Variants in NOL4 observed in about 807,000 individuals in gnomAD.
The protein encoded by NOL4 is nucleolar protein 4, also known as cancer/testis antigen 125.
Under a neutral mutation model 75.9 loss-of-function variants are expected in NOL4, and 17 were observed. The observed-to-expected ratio is 0.22, with a 90% CI of 0.15 to 0.34. The LOEUF (loss-of-function observed/expected upper bound fraction) is 0.34, where lower values mean the gene tolerates loss of function less well. NOL4 is among the 10% of genes least tolerant of loss of function. The pLI, the probability that NOL4 is intolerant of heterozygous loss-of-function variation, is 1.00. For synonymous variants in NOL4, 292 were observed against 289.9 expected, an observed-to-expected ratio of 1.01 and a Z score of -0.07; for missense variants, 614 against 793.5, an observed-to-expected ratio of 0.77 and a Z score of 2.72.
intron 6 of NOL4, among the ~76,000 whole-genome samples, chr18:33,961,778 T>C (rs1005672876): frequency 1.3e-5 from 2 of 151,962 alleles, no homozygotes; most frequent in African/African-American, 4.8e-5. Flanking sequence ...GATTTCAGCA[T>C]TGGAGGATCA....
At position 34,223,309 on chromosome 18, in the gene NOL4, C is replaced by T; in HGVS notation, c.-56G>A. 6.4e-7 allele frequency: 1 copy of T among 1,574,162 alleles called. No individual in the cohort carries two copies. Among genetic ancestry groups the T allele is most frequent in the Non-Finnish European group, 8.6e-7 (1 of 1,162,384 alleles). ...TCCCAGCGCACTTCGCACCTGTTCA[C>T]CCTAGGCTCATGAAAAATGCAGCCC... On this transcript the variant is annotated 5_prime_UTR_variant, in exon 1 of 11. In the 5' UTR this introduces an upstream ATG that the reference lacks. Coordinates refer to ENST00000261592, the MANE Select transcript of NOL4 (RefSeq NM_003787.5).
chr18:34,119,828 T>A (rs1466136617), intron 2 of NOL4, among the ~76,000 whole-genome samples: 1 of 152,052 alleles, frequency 6.6e-6, no homozygotes, highest in East Asian at 1.9e-4. Context: ...TTCACAGTGT[T>A]AGCCAGGATG....
chr18:33,863,869 C>T (rs1386916126), intron 10 of NOL4, among the ~76,000 whole-genome samples: 1 of 152,162 alleles, frequency 6.6e-6, no homozygotes, highest in Non-Finnish European at 1.5e-5. Context: ...CAGACTTCTG[C>T]CTGGATATCC....
At chr18:33,950,277 G>T (rs11081833) in intron 8 of NOL4, among the ~76,000 whole-genome samples, 52,984 of 150,720 alleles carry the variant, frequency 0.35, 9,708 homozygotes, top group Non-Finnish European at 0.41. Flanking sequence ...TTATATAACT[G>T]TTTTCTTTTG....
chr18:34,176,383 A>G (rs2146300018), intron 1 of NOL4, among the ~76,000 whole-genome samples: 1 of 152,138 alleles, frequency 6.6e-6, no homozygotes, highest in East Asian at 1.9e-4. Flanking sequence ...GAGGAGAAAG[A>G]ATATGTGAAA....
chr18:33,974,219 T>A (rs545430296), intron 6 of NOL4, among the ~76,000 whole-genome samples: 1 of 152,200 alleles, frequency 6.6e-6, no homozygotes, highest in Non-Finnish European at 1.5e-5. Context: ...TGAACCAACC[T>A]CTACTAGCTT....
chr18:34,203,810 G>A (rs776207449), intron 1 of NOL4, among the ~76,000 whole-genome samples: 3 of 149,934 alleles, frequency 2.0e-5, no homozygotes, highest in Non-Finnish European at 3.0e-5. Context: ...CCCAGCAAGT[G>A]GCCTTGAGAA....
intron 6 of NOL4, among the ~76,000 whole-genome samples, chr18:34,011,084 T>A (rs974960246): frequency 6.6e-6 from 1 of 151,638 alleles, no homozygotes; most frequent in African/African-American, 2.4e-5. Context: ...ACTAAAATAG[T>A]GAAATTGGAA....
At chr18:34,194,449 A>AGGC (rs2035165781) in intron 1 of NOL4, among the ~76,000 whole-genome samples, 1 of 146,500 alleles carries the variant, frequency 6.8e-6, no homozygotes, top group Non-Finnish European at 1.5e-5. Flanking sequence ...GGAAGGAAGG[A>AGGC]AGGAAGGAAG....
chr18:34,064,007 T>C (rs371217908), intron 5 of NOL4, among the ~76,000 whole-genome samples: 107 of 152,176 alleles, frequency 7.0e-4, no homozygotes, highest in African/African-American at 2.4e-3. Flanking sequence ...TGCCACACAC[T>C]GACTGGTATA....
intron 2 of NOL4, among the ~76,000 whole-genome samples, chr18:34,110,271 T>C (rs1195055238): frequency 2.0e-5 from 3 of 148,424 alleles, no homozygotes; most frequent in African/African-American, 7.4e-5. Context: ...CTGATGAACA[T>C]AGATGAAAAA....
chr18:33,885,897 A>G (rs1424639223), intron 9 of NOL4, among the ~76,000 whole-genome samples: 1 of 152,186 alleles, frequency 6.6e-6, no homozygotes, highest in Non-Finnish European at 1.5e-5. Context: ...ACTGTTTACA[A>G]TAGCTAAGAT....
At chr18:33,957,581 C>A (rs2145730877) in intron 7 of NOL4, 64 bp from the exon 8 acceptor site, 2 of 1,283,832 alleles carry the variant, frequency 1.6e-6, no homozygotes, top group East Asian at 4.8e-5. Context: ...TTCCTAGCTT[C>A]CTGTCTTGAT....
chr18:34,037,314 G>T (rs1047947527), intron 5 of NOL4, among the ~76,000 whole-genome samples: 1 of 151,994 alleles, frequency 6.6e-6, no homozygotes, highest in Admixed American at 6.6e-5. Context: ...TGAAAAGGAA[G>T]AATTAATGTT....
intron 6 of NOL4, among the ~76,000 whole-genome samples, chr18:34,002,507 A>G (rs574347537): frequency 6.6e-6 from 1 of 152,170 alleles, no homozygotes; most frequent in Non-Finnish European, 1.5e-5. Context: ...CACTTTGACC[A>G]TACCATGTCT....
chr18:33,944,045 T>C (rs1568104218), intron 8 of NOL4, among the ~76,000 whole-genome samples: 1 of 151,842 alleles, frequency 6.6e-6, no homozygotes, highest in Admixed American at 6.6e-5. Context: ...TTTTTTTAAA[T>C]TAAGATAAGC....
At chr18:34,010,717 T>C (rs1301594553) in intron 6 of NOL4, among the ~76,000 whole-genome samples, 4 of 151,874 alleles carry the variant, frequency 2.6e-5, no homozygotes, top group African/African-American at 9.7e-5. Flanking sequence ...CCAGTATTCA[T>C]TATTGCCTGT....
At chr18:34,149,026 A>C (rs927533622) in intron 1 of NOL4, among the ~76,000 whole-genome samples, 1 of 151,676 alleles carries the variant, frequency 6.6e-6, no homozygotes, top group Non-Finnish European at 1.5e-5. Flanking sequence ...CATTTGAGCT[A>C]TCTTTTTTAG....
intron 5 of NOL4, among the ~76,000 whole-genome samples, chr18:34,042,920 A>G (rs2076203118): frequency 6.6e-6 from 1 of 152,120 alleles, no homozygotes; most frequent in Non-Finnish European, 1.5e-5. Context: ...AGAAAAACAT[A>G]TAATCAGAAC....
Sources: allele counts gnomAD v4.1 joint callset (sites outside exome capture counted in the v4.1 genomes callset), GRCh38; gene constraint gnomAD v4.1.1; transcripts MANE v1.5; gene names NCBI Gene and HGNC (gene_info 2026-07-23, HGNC 2026-07-21).